NT5C3A: variants seen among roughly 807,000 people sequenced by gnomAD.
The protein encoded by NT5C3A is cytosolic 5'-nucleotidase 3A.
NT5C3A carries 23 observed loss-of-function variants against 40.0 expected under a neutral mutation model. The observed-to-expected ratio is 0.58, with a 90% CI of 0.41 to 0.81. The LOEUF (loss-of-function observed/expected upper bound fraction) is 0.81, where lower values mean the gene tolerates loss of function less well. Among genes scored for constraint, NT5C3A ranks in the 40% least tolerant of loss-of-function variants. The pLI is 0.00. For missense variants in NT5C3A, 328 were observed against 403.0 expected, an observed-to-expected ratio of 0.81 and a Z score of 1.59; for synonymous variants, 130 against 141.4, an observed-to-expected ratio of 0.92 and a Z score of 0.57.
At chr7:33,030,954 C>A (rs1024966177) in intron 1 of NT5C3A, among the ~76,000 whole-genome samples, 92 of 151,856 alleles carry the variant, frequency 6.1e-4, no homozygotes, top group African/African-American at 2.2e-3. Flanking sequence ...AAAAAATTAG[C>A]CAGGCGAGGT....
At chr7:33,057,776 G>A (rs889740166) in intron 1 of NT5C3A, among the ~76,000 whole-genome samples, 9 of 151,988 alleles carry the variant, frequency 5.9e-5, no homozygotes, top group South Asian at 2.1e-4. Flanking sequence ...GCAATAAATC[G>A]TTGAGAGATA....
At chr7:33,027,045 C>T (rs1785982801) in intron 1 of NT5C3A, 130 bp from the exon 2 acceptor site, 1 of 633,806 alleles carries the variant, frequency 1.6e-6, no homozygotes, top group South Asian at 1.8e-5. Context: ...AAGCAAGCCA[C>T]CACATCAAAT....
intron 8 of NT5C3A, 149 bp downstream of exon 8, chr7:33,015,521 T>A: frequency 4.9e-6 from 3 of 617,458 alleles, no homozygotes; most frequent in Non-Finnish European, 8.6e-6. Flanking sequence ...TGTGATTGCA[T>A]CACTACACTC....
chr7:33,029,907 C>A (rs1431068024), intron 1 of NT5C3A, among the ~76,000 whole-genome samples: 1 of 152,130 alleles, frequency 6.6e-6, no homozygotes, highest in African/African-American at 2.4e-5. Context: ...GAAAGAGAAC[C>A]AGTAGCTAAA....
intron 1 of NT5C3A, 99 bp downstream of exon 1, chr7:33,062,469 C>G: frequency 9.1e-7 from 1 of 1,104,608 alleles, no homozygotes; most frequent in South Asian, 1.4e-5. Context: ...GGCAGCTCCC[C>G]GTCGCGACCG....
At position 33,014,547 on chromosome 7, in the gene NT5C3A, G is replaced by T; in HGVS notation, c.*183C>A. On this transcript the variant is annotated 3_prime_UTR_variant, in exon 9 of 9. Coordinates refer to ENST00000610140, the MANE Select transcript of NT5C3A (RefSeq NM_001002010.5). ...GGTTAAAAGATACGGTGAGGAGTGT[G>T]TTGAGAGAGGTGGAGAAAAGGAGCT... is the stretch of plus-strand genomic sequence containing the variant. 1 of 819,118 alleles carries T rather than the reference G, an allele frequency of 1.2e-6. No homozygotes were observed. The highest frequency in any genetic ancestry group is 1.4e-5 in the South Asian group (1 of 69,462). The allele number at this position is 819,118 out of a possible 1,614,324, so 50.7% of individuals were successfully genotyped here. A position where few individuals can be genotyped will look rare whatever the true frequency, so the allele number is the denominator to read the frequency against.
chr7:33,031,185 G>A (rs1487777887), intron 1 of NT5C3A, among the ~76,000 whole-genome samples: 1 of 151,464 alleles, frequency 6.6e-6, no homozygotes, highest in East Asian at 1.9e-4. Flanking sequence ...TCAATCCAAT[G>A]ATAATATTCC....
chr7:33,028,333 CTTAAGTA>C, intron 1 of NT5C3A, among the ~76,000 whole-genome samples: 1 of 152,268 alleles, frequency 6.6e-6, no homozygotes, highest in Middle Eastern at 3.4e-3. Context: ...ACAATTTAAT[CTTAAGTA>C]TTATTTCTTG....
At chr7:33,021,844 C>T (rs1785644324) in intron 4 of NT5C3A, 2 of 528,442 alleles carry the variant, frequency 3.8e-6, no homozygotes, top group Non-Finnish European at 6.7e-6. Flanking sequence ...GTTTTGTTGT[C>T]AAGTTACTGT....
At chr7:33,018,887 T>C (rs1435577004) in intron 6 of NT5C3A, among the ~76,000 whole-genome samples, 5 of 151,964 alleles carry the variant, frequency 3.3e-5, no homozygotes, top group Non-Finnish European at 7.4e-5. Flanking sequence ...TGCATACATA[T>C]ATAATTATGT....
At chr7:33,032,002 G>GT (rs34947432) in intron 1 of NT5C3A, among the ~76,000 whole-genome samples, 109,881 of 151,666 alleles carry the variant, frequency 0.72, 40,068 homozygotes, top group African/African-American at 0.79. Flanking sequence ...GCACATGCCT[G>GT]TAATCCCAGC....
In NT5C3A at chr7:33,031,109, A is replaced by AC. The variant is rs1159732649; in HGVS notation, c.139-4195_139-4194insG. On this transcript the variant is annotated intron_variant, in intron 1 of 8. Coordinates refer to ENST00000610140, the MANE Select transcript of NT5C3A (RefSeq NM_001002010.5). Reference sequence around the variant, plus strand: ...CGAGACTCTGCCTCAAAAAAAAACAAAAAAAAAAAAAAAGAGAGAAGCTCC... The same window carrying AC: ...CGAGACTCTGCCTCAAAAAAAAACAACAAAAAAAAAAAAAGAGAGAAGCTCC... Among the ~76,000 whole-genome samples the AC allele has an allele frequency of 4.1e-5, 6 of 145,048 alleles. No homozygotes were observed. The East Asian group carries it at 1.6e-3, about 38-fold the overall frequency.
chr7:33,059,207 T>C (rs1252904688), intron 1 of NT5C3A, among the ~76,000 whole-genome samples: 1 of 152,260 alleles, frequency 6.6e-6, no homozygotes, highest in Non-Finnish European at 1.5e-5. Flanking sequence ...AATTTATCTT[T>C]AGAGCTCCAG....
intron 1 of NT5C3A, among the ~76,000 whole-genome samples, chr7:33,046,970 CT>C (rs35818020): frequency 1.2e-3 from 171 of 136,954 alleles, no homozygotes; most frequent in Middle Eastern, 7.5e-3. Flanking sequence ...CACCTGGCTT[CT>C]TTTTTTTTTT....
intron 1 of NT5C3A, among the ~76,000 whole-genome samples, chr7:33,049,205 G>A (rs1164017387): frequency 2.6e-5 from 4 of 151,782 alleles, no homozygotes; most frequent in Non-Finnish European, 5.9e-5. Context: ...TTATTATTAG[G>A]CCTTATAGCA....
intron 1 of NT5C3A, among the ~76,000 whole-genome samples, chr7:33,057,728 C>T (rs1787625677): frequency 6.6e-6 from 1 of 152,114 alleles, no homozygotes; most frequent in Admixed American, 6.5e-5. Context: ...CTATCCCCCA[C>T]ATCAGCTACT....
intron 1 of NT5C3A, among the ~76,000 whole-genome samples, chr7:33,058,746 AT>A (rs1439939806): frequency 6.6e-6 from 1 of 152,080 alleles, no homozygotes; most frequent in African/African-American, 2.4e-5. Context: ...TAGACTGATT[AT>A]TTTTTCTCCT....
rs781303576 is a variant in NT5C3A, at chr7:33,062,762, G to A, written c.-57C>T. 6.5e-7 allele frequency: 1 copy of A among 1,548,178 alleles called. No homozygotes were observed. The highest frequency in any genetic ancestry group is 1.4e-5 in the African/African-American group (1 of 72,702). ...AAAAAACAGGCAGCTCGCGTAGACT[G>A]CGAGTCTCGGAAGCGCGGGATCCCA... On this transcript the variant is annotated 5_prime_UTR_variant, in exon 1 of 9. Coordinates refer to ENST00000610140, the MANE Select transcript of NT5C3A (RefSeq NM_001002010.5).
chr7:33,032,567 C>T (rs1467222593), intron 1 of NT5C3A, among the ~76,000 whole-genome samples: 1 of 151,682 alleles, frequency 6.6e-6, no homozygotes, highest in Non-Finnish European at 1.5e-5. Context: ...GTGATCCCCC[C>T]ACCTCAGACT....
Sources: gnomAD v4.1 joint callset for allele counts (sites outside exome capture counted in the v4.1 genomes callset) on GRCh38, gnomAD v4.1.1 for gene constraint, MANE v1.5 for transcripts, NCBI Gene and HGNC (gene_info 2026-07-23, HGNC 2026-07-21) for gene names.